The following KBTBD12 variants were observed in gnomAD, a reference collection of about 807,000 sequenced individuals.
KBTBD12 encodes kelch repeat and BTB domain containing 12.
Under a neutral mutation model 58.7 loss-of-function variants are expected in KBTBD12, and 53 were observed. That is an observed-to-expected ratio of 0.90 (90% CI 0.72 to 1.14). The LOEUF (loss-of-function observed/expected upper bound fraction) is 1.14. Ranked by LOEUF, KBTBD12 falls within the 50% of genes most tolerant of loss-of-function variation. The probability of loss-of-function intolerance (pLI) is 0.00; values close to 1 mark genes in which losing one functional copy is unlikely to be tolerated. For missense variants in KBTBD12, 704 were observed against 751.3 expected (o/e 0.94, Z 0.74); for synonymous variants, 236 against 259.8 (o/e 0.91, Z 0.88).
intron 3 of KBTBD12, among the ~76,000 whole-genome samples, chr3:127,929,030 T>C (rs1410723913): frequency 6.6e-6 from 1 of 152,218 alleles, no homozygotes; most frequent in Admixed American, 6.5e-5. Context: ...TTTAAAACTA[T>C]CCATTTACAT....
chr3:127,940,800 A>C (rs968377458), intron 4 of KBTBD12, among the ~76,000 whole-genome samples: 5 of 152,168 alleles, frequency 3.3e-5, no homozygotes, highest in African/African-American at 9.6e-5. Context: ...TACAGTTGGT[A>C]AACACTAGCA....
chr3:127,984,002 T>C, intron 5 of KBTBD12, 95 bp from the exon 6 acceptor site: 1 of 933,214 alleles, frequency 1.1e-6, no homozygotes. Context: ...GACTAAGACA[T>C]TGCCTTTTGG....
chr3:127,917,869 C>G (rs1333397491), intron 1 of KBTBD12, among the ~76,000 whole-genome samples: 3 of 152,092 alleles, frequency 2.0e-5, no homozygotes, highest in African/African-American at 7.2e-5. Context: ...TTTAATTGAA[C>G]AAACCGTATT....
intron 4 of KBTBD12, among the ~76,000 whole-genome samples, chr3:127,949,631 C>A (rs565625463): frequency 6.6e-6 from 1 of 152,172 alleles, no homozygotes; most frequent in African/African-American, 2.4e-5. Flanking sequence ...CTTGAGTGGA[C>A]AGATGGTCAA....
intron 4 of KBTBD12, among the ~76,000 whole-genome samples, chr3:127,935,141 ATAGAAAG>A (rs1222232872): frequency 2.0e-5 from 3 of 152,202 alleles, no homozygotes; most frequent in African/African-American, 7.2e-5. Flanking sequence ...GGTTGAAAAT[ATAGAAAG>A]TAAAAAATGT....
intron 4 of KBTBD12, among the ~76,000 whole-genome samples, chr3:127,932,767 A>G (rs932147580): frequency 6.6e-6 from 1 of 152,196 alleles, no homozygotes; most frequent in African/African-American, 2.4e-5. Context: ...ATATTAAGAT[A>G]ATATAAGTAT....
intron 4 of KBTBD12, among the ~76,000 whole-genome samples, chr3:127,934,675 G>A (rs79452556): frequency 5.5e-4 from 83 of 152,208 alleles, no homozygotes; most frequent in Non-Finnish European, 1.1e-3. Context: ...GTAAAACGCC[G>A]TATCATGTAG....
intron 4 of KBTBD12, among the ~76,000 whole-genome samples, chr3:127,942,476 ATGT>A (rs1370073636): frequency 6.6e-6 from 1 of 151,970 alleles, no homozygotes; most frequent in African/African-American, 2.4e-5. Flanking sequence ...TAGTTTATCC[ATGT>A]TGTTACAAAT....
rs766953606 is a variant in KBTBD12, at chr3:127,923,728, G to A, written c.667G>A (p.Glu223Lys). The stretch of plus-strand genomic sequence containing the variant: ...TGAGCTTTTGAAGCAAGTCAGATTG[G>A]AACTTGTAAATCCTTCTTTTTTAAG... ...LVELLKQVRL[E>K]LVNPSFLRQA... The change falls in exon 2 of 6, where the codon GAA becomes AAA. Residue 223 changes from glutamate (E) to lysine (K), a missense_variant. Coordinates refer to ENST00000405109, the MANE Select transcript of KBTBD12 (RefSeq NM_207335.4). 19 of 1,613,716 alleles carry A rather than the reference G, an allele frequency of 1.2e-5. 1 individual carries two copies. In the South Asian group the frequency reaches 1.9e-4, roughly 16 times the overall value.
intron 4 of KBTBD12, among the ~76,000 whole-genome samples, chr3:127,961,407 G>A (rs1169878883): frequency 6.6e-6 from 1 of 152,202 alleles, no homozygotes; most frequent in Admixed American, 6.5e-5. Flanking sequence ...TCGGATAAGA[G>A]AGAAGGCAGC....
At chr3:127,934,627 A>G (rs1354183825) in intron 4 of KBTBD12, among the ~76,000 whole-genome samples, 1 of 152,230 alleles carries the variant, frequency 6.6e-6, no homozygotes, top group Non-Finnish European at 1.5e-5. Flanking sequence ...ACATAACAGA[A>G]GAACTACTAA....
chr3:127,919,773 A>C (rs1230128896), intron 1 of KBTBD12, among the ~76,000 whole-genome samples: 2 of 151,076 alleles, frequency 1.3e-5, no homozygotes, highest in Non-Finnish European at 2.9e-5. Context: ...TGTATCTATT[A>C]TCTCTCTCTC....
intron 4 of KBTBD12, 88 bp downstream of exon 4, chr3:127,930,371 C>G (rs1939675331): frequency 4.3e-6 from 5 of 1,152,512 alleles, no homozygotes; most frequent in Non-Finnish European, 6.2e-6. Flanking sequence ...CTCCTTTGCA[C>G]TTGTATTCCA....
At chr3:127,975,218 C>A (rs1418138033) in intron 5 of KBTBD12, among the ~76,000 whole-genome samples, 1 of 152,100 alleles carries the variant, frequency 6.6e-6, no homozygotes, top group African/African-American at 2.4e-5. Context: ...GTAGAACACA[C>A]CTCGCAGTTG....
At chr3:127,934,945 A>T (rs1339051570) in intron 4 of KBTBD12, among the ~76,000 whole-genome samples, 2 of 152,212 alleles carry the variant, frequency 1.3e-5, no homozygotes, top group Non-Finnish European at 2.9e-5. Flanking sequence ...AGGTGATGCT[A>T]GACAGTAACC....
At chr3:127,945,417 C>T (rs994251645) in intron 4 of KBTBD12, among the ~76,000 whole-genome samples, 2 of 151,314 alleles carry the variant, frequency 1.3e-5, no homozygotes, top group South Asian at 2.1e-4. Context: ...ATCTCCTGAC[C>T]TCATGATCCA....
intron 5 of KBTBD12, among the ~76,000 whole-genome samples, chr3:127,975,877 C>A (rs1033818474): frequency 6.6e-6 from 1 of 152,076 alleles, no homozygotes; most frequent in Non-Finnish European, 1.5e-5. Context: ...GACATTACAG[C>A]GACCATGAGG....
At chr3:127,920,229 T>C (rs16838982) in intron 1 of KBTBD12, among the ~76,000 whole-genome samples, 29,568 of 152,166 alleles carry the variant, frequency 0.19, 3,120 homozygotes, top group South Asian at 0.36. Context: ...ATACTTACTT[T>C]GTTGAAATCG....
At chr3:127,980,394 A>G (rs1396665548) in intron 5 of KBTBD12, among the ~76,000 whole-genome samples, 1 of 152,078 alleles carries the variant, frequency 6.6e-6, no homozygotes, top group Non-Finnish European at 1.5e-5. Flanking sequence ...CAGTGGTGCA[A>G]TCTCAGCTCA....
Sources: gnomAD v4.1 joint callset for allele counts (sites outside exome capture counted in the v4.1 genomes callset) on GRCh38, gnomAD v4.1.1 for gene constraint, MANE v1.5 for transcripts, NCBI Gene and HGNC (gene_info 2026-07-23, HGNC 2026-07-21) for gene names.